The following LIG3 variants were observed in gnomAD, a reference collection of about 807,000 sequenced individuals.
The protein encoded by LIG3 is ligase II, DNA, ATP-dependent.
A neutral mutation model predicts 110.9 loss-of-function variants in LIG3; 58 were observed. The ratio of observed to expected loss-of-function variants is 0.52; its 90% CI spans 0.42 to 0.65. The LOEUF (loss-of-function observed/expected upper bound fraction) is 0.65, where lower values mean the gene tolerates loss of function less well. Among genes scored for constraint, LIG3 ranks in the 30% least tolerant of loss-of-function variants. LIG3 has a pLI of 0.00. For missense variants in LIG3, 1,094 were observed against 1,273.8 expected (o/e 0.86, Z 2.15); for synonymous variants, 422 against 472.8 (o/e 0.89, Z 1.39).
intron 7 of LIG3, 45 bp from the exon 8 acceptor site, chr17:34,992,475 TCAAA>T (rs1406501394): frequency 2.0e-6 from 3 of 1,518,594 alleles, no homozygotes; most frequent in African/African-American, 2.8e-5. Flanking sequence ...AGCCATGGAG[TCAAA>T]CAAAGGCAGT....
intron 10 of LIG3, 55 bp from the exon 11 acceptor site, chr17:34,996,519 T>G (rs1303383741): frequency 2.8e-6 from 4 of 1,431,406 alleles, no homozygotes; most frequent in Non-Finnish European, 3.9e-6. Flanking sequence ...TACTCCTTAT[T>G]TTTTCACACT....
chr17:34,982,976 TTTTG>T, intron 1 of LIG3, 22 bp from the exon 2 acceptor site: 3 of 1,489,146 alleles, frequency 2.0e-6, no homozygotes, highest in Non-Finnish European at 1.8e-6. Context: ...TTTTTTTTTT[TTTTG>T]GCCTCCTACT....
At chr17:34,993,649 TTCTC>T (rs1274549620) in intron 8 of LIG3, among the ~76,000 whole-genome samples, 3 of 152,234 alleles carry the variant, frequency 2.0e-5, no homozygotes, top group African/African-American at 4.8e-5. Flanking sequence ...CAAGCACCTA[TTCTC>T]TCTAACCTTC....
intron 2 of LIG3, 92 bp from the exon 3 acceptor site, chr17:34,985,896 C>T: frequency 1.5e-6 from 2 of 1,363,064 alleles, no homozygotes; most frequent in Non-Finnish European, 2.0e-6. Context: ...ACTTAACAAG[C>T]AAGGCCCTAG....
intron 3 of LIG3, among the ~76,000 whole-genome samples, chr17:34,987,361 T>G (rs2090667338): frequency 6.6e-6 from 1 of 152,188 alleles, no homozygotes; most frequent in Admixed American, 6.5e-5. Flanking sequence ...ATTAGGCCCT[T>G]TTTATGACTG....
intron 19 of LIG3, 116 bp from the exon 20 acceptor site, chr17:35,004,157 T>G: frequency 1.4e-6 from 1 of 716,052 alleles, no homozygotes; most frequent in Non-Finnish European, 2.4e-6. Flanking sequence ...TCCAGTAAAC[T>G]TCTCTGCTTG....
Position 35,005,877 on chromosome 17 carries a change from C to T in LIG3, c.*1371C>T, listed in dbSNP as rs1173238896. Reference sequence around the variant, plus strand: ...TAAAAGAAATACCTAGCGAAAAAAACAGGAAGCATATTGAAGCTCGGACTA... The same window carrying T: ...TAAAAGAAATACCTAGCGAAAAAAATAGGAAGCATATTGAAGCTCGGACTA... On this transcript the variant is annotated 3_prime_UTR_variant, in exon 20 of 20. Transcript: ENST00000378526. 1 of 353,358 alleles carries T rather than the reference C, an allele frequency of 2.8e-6. No individual in the cohort carries two copies. The highest frequency in any genetic ancestry group is 6.8e-5 in the East Asian group (1 of 14,754). 21.9% of individuals were successfully genotyped at this position (353,358 alleles called of 1,614,324 possible).
chr17:35,004,329 CTT>C lies in LIG3; in HGVS notation c.2854_2855del (p.Phe952GlnfsTer19), dbSNP rs2090877392. On this transcript the variant is annotated frameshift_variant, in exon 20 of 20. Transcript: ENST00000378526. LOFTEE classifies it high-confidence loss of function. ...TTTACTTGCCACCCTCCACACCAGA[CTT>C]CAGCCGTCTCAGACGCTACTTTGTG... is the stretch of plus-strand genomic sequence containing the variant. ...RLYLPPSTPD[F>X]SRLRRYFVAF... 1.2e-6 allele frequency: 2 copies of C among 1,614,072 alleles called. No individual in the cohort carries two copies. Among genetic ancestry groups the C allele is most frequent in the South Asian group, 2.2e-5 (2 of 91,088 alleles).
intron 1 of LIG3, 124 bp downstream of exon 1, chr17:34,980,746 G>A: frequency 2.5e-6 from 1 of 400,846 alleles, no homozygotes. Context: ...GCCCGCCTGC[G>A]GAGCCCCGGG....
At position 34,996,148 on chromosome 17, in the gene LIG3, A is replaced by G. The variant is rs775400240; in HGVS notation, c.1696A>G (p.Asn566Asp). The change falls in exon 10 of 20, where the codon AAC (asparagine) becomes GAC (aspartate). Residue 566 changes from asparagine (N) to aspartate (D), a missense_variant. Transcript: ENST00000378526. ...GGATTCTGAAGTGCTTCTGATTGAC[A>G]ACAAGACAGGCAAACCACTGCCCTT... ...ILDSEVLLID[N>D]KTGKPLPFGT... The G allele has an allele frequency of 6.2e-7, 1 of 1,614,174 alleles. No individual in the cohort carries two copies.
chr17:35,000,905 C>T (rs760413265), intron 16 of LIG3, among the ~76,000 whole-genome samples: 19 of 151,422 alleles, frequency 1.3e-4, no homozygotes, highest in Non-Finnish European at 2.1e-4. Context: ...CAAGCCACCG[C>T]GCCTGGCCAA....
At chr17:35,000,558 G>A (rs1026772987) in intron 16 of LIG3, among the ~76,000 whole-genome samples, 29 of 150,216 alleles carry the variant, frequency 1.9e-4, no homozygotes, top group Non-Finnish European at 1.0e-4. Flanking sequence ...GCACCCAGCC[G>A]CCTTTTTGGT....
rs772000077 is a variant in LIG3 at position 34,991,845 on chromosome 17, A to T, written c.1208+8A>T. On this transcript the variant is annotated splice_region_variant and intron_variant, in intron 6 of 19. Transcript: ENST00000378526. ...ACAGGACATTGCCTCCAGGTGGGGG[A>T]GCTGCCTCCGTCAAACCATGCCCAT... is the stretch of plus-strand genomic sequence containing the variant. 2 of 1,613,788 alleles carry T rather than the reference A, an allele frequency of 1.2e-6. No individual in the cohort carries two copies. Among genetic ancestry groups the T allele is most frequent in the African/African-American group, 2.7e-5 (2 of 74,872 alleles).
In LIG3 at chr17:35,004,005, A is replaced by G; in HGVS notation, c.2797-268A>G. ...TGCCCACCATGACTGGGTGGCTCTT[A>G]TACACATGTACTCTTCCCATCTCCA... On this transcript the variant is annotated intron_variant, in intron 19 of 19. Coordinates refer to ENST00000378526, the MANE Select transcript of LIG3 (RefSeq NM_013975.4). The G allele has an allele frequency of 6.8e-6, 3 of 438,988 alleles. No individual in the cohort carries two copies. The South Asian group carries it at 7.5e-5, about 11-fold the overall frequency. 27.2% of individuals were successfully genotyped at this position (438,988 alleles called of 1,614,324 possible).
rs755698155 is a variant in LIG3 at position 34,998,604 on chromosome 17, G to A, written c.1990G>A (p.Gly664Ser). The A allele has an allele frequency of 6.2e-7, 1 of 1,614,020 alleles. No homozygotes were observed. The highest frequency in any genetic ancestry group is 8.5e-7 in the Non-Finnish European group (1 of 1,179,978). Residue 664 changes from glycine to serine, a missense_variant and splice_region_variant, in exon 14 of 20, where the codon GGT becomes AGT. By Grantham distance (56) the Gly-to-Ser change is moderately conservative (BLOSUM62 0). Transcript: ENST00000378526. ...LEGLVLKDVK[G>S]TYEPGKRHWL... The stretch of plus-strand genomic sequence containing the variant: ...TGGTCTCTCTTTTGCTTCCCTTCAG[G>A]GTACATATGAGCCTGGGAAGCGGCA...
At chr17:34,988,341 GAGAA>G in intron 3 of LIG3, among the ~76,000 whole-genome samples, 1 of 152,258 alleles carries the variant, frequency 6.6e-6, no homozygotes. Flanking sequence ...GAGGAGTTGA[GAGAA>G]AGAGAGTGTT....
rs759924515 is a variant in LIG3 at position 34,997,761 on chromosome 17, T to A, written c.1847T>A (p.Phe616Tyr). The change falls in exon 12 of 20, where the codon TTT becomes TAT. Residue 616 changes from phenylalanine to tyrosine, a missense_variant. Coordinates refer to ENST00000378526, the MANE Select transcript of LIG3 (RefSeq NM_013975.4). ...AGACCTCTGTGTGAGCGGCGGAAGT[T>A]TCTTCATGACAACATGGTTGAAATT... is the stretch of plus-strand genomic sequence containing the variant. ...MDRPLCERRK[F>Y]LHDNMVEIPN... The A allele has an allele frequency of 8.7e-6, 14 of 1,614,158 alleles. No homozygotes were observed. Among genetic ancestry groups the A allele is most frequent in the Non-Finnish European group, 1.0e-5 (12 of 1,179,988 alleles).
At chr17:34,994,163 C>T (rs2090754200) in intron 8 of LIG3, 113 bp from the exon 9 acceptor site, 1 of 923,430 alleles carries the variant, frequency 1.1e-6, no homozygotes, top group South Asian at 1.7e-5. Context: ...TGTGGGCAGT[C>T]AGTCCCAAGA....
At chr17:34,988,485 C>T (rs2142245475) in intron 3 of LIG3, among the ~76,000 whole-genome samples, 1 of 152,260 alleles carries the variant, frequency 6.6e-6, no homozygotes, top group African/African-American at 2.4e-5. Flanking sequence ...CAGTGTACAA[C>T]AGCAGTTAGC....
Sources: allele counts gnomAD v4.1 joint callset (sites outside exome capture counted in the v4.1 genomes callset), GRCh38; gene constraint gnomAD v4.1.1; transcripts MANE v1.5; gene names NCBI Gene and HGNC (gene_info 2026-07-23, HGNC 2026-07-21).